The following GATAD2A variants were observed in gnomAD, a reference collection of about 807,000 sequenced individuals.
GATAD2A encodes the protein GATA zinc finger domain containing 2A.
In GATAD2A, 12 loss-of-function variants were observed where a neutral mutation model predicts 68.5. That is an observed-to-expected ratio of 0.18 (90% CI 0.11 to 0.28). The LOEUF (loss-of-function observed/expected upper bound fraction) is 0.28, where lower values mean the gene tolerates loss of function less well. GATAD2A is among the 10% of genes least tolerant of loss of function. The probability of loss-of-function intolerance (pLI) is 1.00; values close to 1 mark genes in which losing one functional copy is unlikely to be tolerated. For synonymous variants in GATAD2A, 410 were observed against 375.3 expected (o/e 1.09, Z -1.07); for missense variants, 755 against 868.5 (o/e 0.87, Z 1.64).
chr19:19,490,726 CA>C (rs952616496), intron 2 of GATAD2A, among the ~76,000 whole-genome samples: 4 of 149,026 alleles, frequency 2.7e-5, no homozygotes, highest in East Asian at 1.9e-4. Context: ...TACAAAAATA[CA>C]AAAAAAAAAT....
chr19:19,502,884 C>T (rs948291304), intron 11 of GATAD2A, among the ~76,000 whole-genome samples: 9 of 152,324 alleles, frequency 5.9e-5, no homozygotes, highest in Admixed American at 4.6e-4. Context: ...CTTTGTGCCG[C>T]AGCAAACATC....
chr19:19,437,768 G>T (rs1362614946), intron 1 of GATAD2A, among the ~76,000 whole-genome samples: 3 of 152,114 alleles, frequency 2.0e-5, no homozygotes, highest in Non-Finnish European at 4.4e-5. Flanking sequence ...CCTTTTTATG[G>T]CTGAATGATA....
chr19:19,472,972 G>A (rs1447965119), intron 2 of GATAD2A, among the ~76,000 whole-genome samples: 8 of 152,200 alleles, frequency 5.3e-5, no homozygotes, highest in Non-Finnish European at 1.0e-4. Context: ...GAAGGAAAGC[G>A]CAGAGGTCTT....
At chr19:19,502,170 C>T in intron 10 of GATAD2A, 127 bp downstream of exon 10, 3 of 884,712 alleles carry the variant, frequency 3.4e-6, no homozygotes, top group East Asian at 2.6e-5. Context: ...TCTCCCCTCC[C>T]CCACCCCTCT....
chr19:19,471,042 G>A (rs999657803), intron 2 of GATAD2A, among the ~76,000 whole-genome samples: 18 of 152,138 alleles, frequency 1.2e-4, no homozygotes, highest in Non-Finnish European at 2.1e-4. Flanking sequence ...GATCACCTGA[G>A]GTCAAGAGTT....
intron 8 of GATAD2A, 99 bp from the exon 9 acceptor site, chr19:19,501,019 C>T: frequency 9.5e-7 from 1 of 1,056,290 alleles, no homozygotes; most frequent in Non-Finnish European, 1.4e-6. Flanking sequence ...AACGGACAGA[C>T]TGTGGCGACT....
rs2144572661 is a variant in GATAD2A, at chr19:19,505,512, C to T, written c.*38C>T. On this transcript the variant is annotated 3_prime_UTR_variant, in exon 12 of 12. Coordinates refer to ENST00000683918, the MANE Select transcript of GATAD2A (RefSeq NM_001384528.1). ...CCCGTGGAAGACGGGCTCCCTCCTC[C>T]CCCACCTGGCCCCTGGTCTAGAAGG... 1 of 1,534,064 alleles carries T rather than the reference C, an allele frequency of 6.5e-7. No individual in the cohort carries two copies. Among genetic ancestry groups the T allele is most frequent in the African/African-American group, 1.4e-5 (1 of 71,818 alleles).
chr19:19,482,482 C>T (rs999434034), intron 2 of GATAD2A, among the ~76,000 whole-genome samples: 2 of 152,216 alleles, frequency 1.3e-5, no homozygotes, highest in Non-Finnish European at 2.9e-5. Context: ...CACACCTCCT[C>T]TTTAGGGTTC....
chr19:19,494,311 G>A lies in GATAD2A; in HGVS notation c.552G>A (p.Gly184=), dbSNP rs779577308. Residue 184 remains glycine, a synonymous_variant, in exon 5 of 12, where the codon GGG becomes GGA. Coordinates refer to ENST00000683918, the MANE Select transcript of GATAD2A (RefSeq NM_001384528.1). The part of the protein sequence containing the change: ...ATAQKPTGSV[G]STVTTPPPLV... The stretch of plus-strand genomic sequence containing the variant: ...TCTTGCAGCCCACAGGTTCTGTTGG[G>A]AGCACCGTGACCACCCCTCCCCCGC... The A allele has an allele frequency of 1.9e-6, 3 of 1,611,588 alleles. No individual in the cohort carries two copies. Among genetic ancestry groups the A allele is most frequent in the Non-Finnish European group, 2.5e-6 (3 of 1,177,910 alleles).
Position 19,494,289 on chromosome 19 carries a change from T to C in GATAD2A, c.535-5T>C, listed in dbSNP as rs1305183622. The C allele has an allele frequency of 6.3e-7, 1 of 1,595,320 alleles. No homozygotes were observed. Among genetic ancestry groups the C allele is most frequent in the Admixed American group, 1.7e-5 (1 of 59,866 alleles). On this transcript the variant is annotated splice_region_variant and splice_polypyrimidine_tract_variant and intron_variant, in intron 4 of 11. Transcript: ENST00000683918. ...CTCACCTCCTGGTGTCCTGCTCTCT[T>C]GCAGCCCACAGGTTCTGTTGGGAGC... is the stretch of plus-strand genomic sequence containing the variant.
At chr19:19,444,859 A>G (rs1404702490) in intron 1 of GATAD2A, among the ~76,000 whole-genome samples, 1 of 128,624 alleles carries the variant, frequency 7.8e-6, no homozygotes, top group Non-Finnish European at 1.6e-5. Flanking sequence ...CAACAGAGTG[A>G]GACCTCGTCC....
At chr19:19,466,538 A>C (rs2052841574) in intron 2 of GATAD2A, among the ~76,000 whole-genome samples, 2 of 152,188 alleles carry the variant, frequency 1.3e-5, no homozygotes, top group African/African-American at 4.8e-5. Context: ...CGTGTCAGCT[A>C]ACCCCACAGG....
Position 19,506,025 on chromosome 19 carries a change from C to G in GATAD2A, c.*551C>G. 1 of 398,684 alleles carries G rather than the reference C, an allele frequency of 2.5e-6. No homozygotes were observed. Among genetic ancestry groups the G allele is most frequent in the Non-Finnish European group, 4.4e-6 (1 of 226,046 alleles). 24.7% of individuals were successfully genotyped at this position (398,684 alleles called of 1,614,324 possible). Reference sequence around the variant, plus strand: ...ATGATGGAGTTAAAAGTAAACCGTGCAGACCCTGGGGTCCCTGTTGTACGC... The same window carrying G: ...ATGATGGAGTTAAAAGTAAACCGTGGAGACCCTGGGGTCCCTGTTGTACGC... On this transcript the variant is annotated 3_prime_UTR_variant, in exon 12 of 12. Coordinates refer to ENST00000683918, the MANE Select transcript of GATAD2A (RefSeq NM_001384528.1).
At chr19:19,410,926 G>T (rs902020660) in intron 1 of GATAD2A, among the ~76,000 whole-genome samples, 1 of 152,178 alleles carries the variant, frequency 6.6e-6, no homozygotes, top group Non-Finnish European at 1.5e-5. Context: ...GCAAATGATC[G>T]ACCCCAGTGC....
At chr19:19,486,129 T>TG (rs897964379) in intron 2 of GATAD2A, among the ~76,000 whole-genome samples, 1 of 152,076 alleles carries the variant, frequency 6.6e-6, no homozygotes, top group Admixed American at 6.5e-5. Flanking sequence ...AGTCTGCCCT[T>TG]GGGGGGTTTG....
chr19:19,425,064 TAA>T (rs529552728), intron 1 of GATAD2A, among the ~76,000 whole-genome samples: 13 of 96,088 alleles, frequency 1.4e-4, no homozygotes, highest in East Asian at 2.9e-4. Flanking sequence ...TGTGCAACAA[TAA>T]AAAAAAAAAA....
chr19:19,447,685 G>C (rs1270822580), intron 1 of GATAD2A, among the ~76,000 whole-genome samples: 1 of 152,226 alleles, frequency 6.6e-6, no homozygotes, highest in Non-Finnish European at 1.5e-5. Flanking sequence ...AGGTTTCCCT[G>C]CTGGCTGTGA....
At chr19:19,430,888 C>T (rs931203361) in intron 1 of GATAD2A, among the ~76,000 whole-genome samples, 22 of 152,066 alleles carry the variant, frequency 1.4e-4, no homozygotes, top group African/African-American at 4.8e-4. Flanking sequence ...GACTTGATTT[C>T]ATGTAAATTG....
intron 8 of GATAD2A, 107 bp from the exon 9 acceptor site, chr19:19,501,011 C>T (rs967570904): frequency 2.0e-5 from 20 of 984,278 alleles, no homozygotes; most frequent in African/African-American, 3.2e-5. Flanking sequence ...ATTTGCAGAA[C>T]GGACAGACTG....
Sources: gnomAD v4.1 joint callset for allele counts (sites outside exome capture counted in the v4.1 genomes callset) on GRCh38, gnomAD v4.1.1 for gene constraint, MANE v1.5 for transcripts, NCBI Gene and HGNC (gene_info 2026-07-23, HGNC 2026-07-21) for gene names.